The following PALS1 variants were observed in gnomAD, a reference collection of about 807,000 sequenced individuals.
PALS1 encodes protein PALS1.
PALS1 carries 31 observed loss-of-function variants against 78.9 expected under a neutral mutation model. The observed-to-expected ratio is 0.39, with a 90% CI of 0.30 to 0.53. The LOEUF is 0.53. PALS1 is among the 20% of genes least tolerant of loss of function. The probability of loss-of-function intolerance (pLI) is 0.67; values close to 1 mark genes in which losing one functional copy is unlikely to be tolerated. For synonymous variants in PALS1, 276 were observed against 270.9 expected (o/e 1.02, Z -0.18); for missense variants, 704 against 826.5 (o/e 0.85, Z 1.82).
chr14:67,307,128 T>G (rs2085016387), intron 8 of PALS1, among the ~76,000 whole-genome samples: 1 of 152,216 alleles, frequency 6.6e-6, no homozygotes, highest in Non-Finnish European at 1.5e-5. Flanking sequence ...GGCTGCTCTT[T>G]CAGTAGCAGA....
Position 67,325,774 on chromosome 14 carries a change from C to T in PALS1, c.1851+1962C>T, listed in dbSNP as rs142653131. Among the ~76,000 whole-genome samples the T allele has an allele frequency of 7.0e-3, 1,064 of 151,950 alleles. 2 individuals are homozygous for T. The highest frequency in any genetic ancestry group is 0.012 in the Non-Finnish European group (845 of 67,998). ...CAAGGATTTGCTATCATATGAAGGG[C>T]CATAGACCATTCCAAAACATGTTAA... is the stretch of plus-strand genomic sequence containing the variant. On this transcript the variant is annotated intron_variant, in intron 14 of 14. Transcript: ENST00000261681.
In PALS1 at chr14:67,258,239, A is replaced by T. The variant is rs1408468903; in HGVS notation, c.-236-11462A>T. Among the ~76,000 whole-genome samples the T allele has an allele frequency of 3.3e-5, 5 of 152,218 alleles. No homozygotes were observed. The East Asian group carries it at 7.8e-4, about 24-fold the overall frequency. ...TGAGAAGATAAGGTACTCATCCATA[A>T]AAATTTGATAATAGGCCAGGCACCG... On this transcript the variant is annotated intron_variant, in intron 1 of 14. Coordinates refer to ENST00000261681, the MANE Select transcript of PALS1 (RefSeq NM_022474.4).
At chr14:67,317,780 T>G (rs1268187193) in intron 11 of PALS1, among the ~76,000 whole-genome samples, 1 of 152,226 alleles carries the variant, frequency 6.6e-6, no homozygotes, top group Non-Finnish European at 1.5e-5. Flanking sequence ...AAGTAAAAAC[T>G]ATGTCCTCTA....
intron 1 of PALS1, among the ~76,000 whole-genome samples, chr14:67,267,387 T>G (rs1414216534): frequency 2.0e-5 from 3 of 151,986 alleles, no homozygotes; most frequent in African/African-American, 7.2e-5. Flanking sequence ...CCCTCCCAAG[T>G]AGCTGGGATT....
chr14:67,293,669 A>G (rs2084805164), intron 4 of PALS1, among the ~76,000 whole-genome samples: 1 of 152,232 alleles, frequency 6.6e-6, no homozygotes, highest in Non-Finnish European at 1.5e-5. Flanking sequence ...CATGTAGGCA[A>G]TTCTGGACTC....
intron 1 of PALS1, among the ~76,000 whole-genome samples, chr14:67,242,182 T>A (rs2083916166): frequency 6.6e-6 from 1 of 152,240 alleles, no homozygotes; most frequent in Admixed American, 6.5e-5. Flanking sequence ...ATTATGTAAC[T>A]TTCTAATGAT....
intron 1 of PALS1, among the ~76,000 whole-genome samples, chr14:67,249,737 T>G (rs72717363): frequency 0.048 from 7,269 of 152,324 alleles, 193 homozygotes; most frequent in Middle Eastern, 0.054. Flanking sequence ...CATTATATTT[T>G]GAGAGTTTTA....
intron 3 of PALS1, 104 bp from the exon 4 acceptor site, chr14:67,292,406 CT>C: frequency 1.3e-6 from 1 of 749,466 alleles, no homozygotes; most frequent in African/African-American, 1.8e-5. Context: ...TGGTATTTTT[CT>C]GAAAACTTAA....
chr14:67,275,735 C>T (rs1243064718), intron 2 of PALS1, among the ~76,000 whole-genome samples: 3 of 152,058 alleles, frequency 2.0e-5, no homozygotes, highest in African/African-American at 2.4e-5. Flanking sequence ...AATTTGGCTG[C>T]GAATCCATTT....
chr14:67,329,212 C>A (rs1273454694), intron 14 of PALS1, among the ~76,000 whole-genome samples: 1 of 152,078 alleles, frequency 6.6e-6, no homozygotes, highest in African/African-American at 2.4e-5. Context: ...AAGTTGGATT[C>A]CTAGGTATTT....
chr14:67,324,339 TA>T (rs1248102005), intron 14 of PALS1, among the ~76,000 whole-genome samples: 1 of 152,224 alleles, frequency 6.6e-6, no homozygotes, highest in African/African-American at 2.4e-5. Flanking sequence ...ATGTTATTAA[TA>T]AGACAGCATT....
chr14:67,271,638 T>A (rs2084408769), intron 2 of PALS1: 1 of 152,268 alleles, frequency 6.6e-6, no homozygotes, highest in African/African-American at 2.4e-5. Context: ...TTAAACATGC[T>A]GTCTTGGGTA....
intron 9 of PALS1, 129 bp downstream of exon 9, chr14:67,312,839 G>T: frequency 2.8e-6 from 2 of 709,758 alleles, no homozygotes; most frequent in Non-Finnish European, 4.2e-6. Flanking sequence ...TCGTGTAGTT[G>T]GGTTTTTATG....
At chr14:67,311,310 C>CAAAAA (rs1164347381) in intron 8 of PALS1, among the ~76,000 whole-genome samples, 1 of 63,936 alleles carries the variant, frequency 1.6e-5, no homozygotes, top group Non-Finnish European at 3.8e-5. Flanking sequence ...GACTCCGTCT[C>CAAAAA]AAAAAAAAAA....
chr14:67,247,240 TTTA>T (rs1402798608), intron 1 of PALS1, among the ~76,000 whole-genome samples: 5 of 152,352 alleles, frequency 3.3e-5, no homozygotes, highest in African/African-American at 1.2e-4. Context: ...TTGCAAATAC[TTTA>T]TTAAGTCTAT....
Position 67,321,360 on chromosome 14 carries a change from T to G in PALS1, c.1740+101T>G. On this transcript the variant is annotated intron_variant, in intron 13 of 14. Transcript: ENST00000261681. ...TTGGTCCAAGAACAGCGCGACCTAA[T>G]TAAGTTCTCATACGGTTTTTCCCAC... The G allele has an allele frequency of 5.6e-6, 6 of 1,079,930 alleles. No homozygotes were observed. In the South Asian group the frequency reaches 8.5e-5, roughly 15 times the overall value. The allele number at this position is 1,079,930 out of a possible 1,614,324, so 66.9% of individuals were successfully genotyped here.
intron 4 of PALS1, 123 bp downstream of exon 4, chr14:67,292,842 G>C: frequency 1.4e-6 from 1 of 719,554 alleles, no homozygotes; most frequent in Non-Finnish European, 2.2e-6. Flanking sequence ...TTAATTACAT[G>C]TTAATAATGT....
intron 3 of PALS1, among the ~76,000 whole-genome samples, chr14:67,291,026 T>C (rs1275683933): frequency 6.6e-5 from 10 of 151,858 alleles, no homozygotes; most frequent in Non-Finnish European, 1.5e-5. Context: ...CAAGAAGAAG[T>C]TTATAAGCAT....
chr14:67,267,158 T>A (rs571174197), intron 1 of PALS1, among the ~76,000 whole-genome samples: 3 of 152,302 alleles, frequency 2.0e-5, no homozygotes, highest in African/African-American at 7.2e-5. Context: ...TGAGATATAA[T>A]TTACATGCAA....
Sources: gnomAD v4.1 joint callset for allele counts (sites outside exome capture counted in the v4.1 genomes callset) on GRCh38, gnomAD v4.1.1 for gene constraint, MANE v1.5 for transcripts, NCBI Gene and HGNC (gene_info 2026-07-23, HGNC 2026-07-21) for gene names.